The following PLCE1 variants were observed in gnomAD, a reference collection of about 807,000 sequenced individuals.
The protein encoded by PLCE1 is phospholipase C epsilon 1.
PLCE1 carries 119 observed loss-of-function variants against 242.8 expected under a neutral mutation model. The observed-to-expected ratio is 0.49, with a 90% confidence interval of 0.42 to 0.57. The LOEUF is 0.57. Ranked by LOEUF, PLCE1 falls within the 20% of genes least tolerant of loss-of-function variation. The pLI, the probability that PLCE1 is intolerant of heterozygous loss-of-function variation, is 0.00. For missense variants in PLCE1, 2,441 were observed against 2,788.8 expected (o/e 0.88, Z 2.81); for synonymous variants, 945 against 1,017.4 (o/e 0.93, Z 1.35).
At chr10:93,994,845 G>T (rs2060791053) in intron 1 of PLCE1, among the ~76,000 whole-genome samples, 1 of 152,322 alleles carries the variant, frequency 6.6e-6, no homozygotes, top group Non-Finnish European at 1.5e-5. Flanking sequence ...GAGTTCAGCC[G>T]ACTTAACCAA....
intron 2 of PLCE1, among the ~76,000 whole-genome samples, chr10:94,056,276 A>G (rs1403994034): frequency 6.6e-6 from 1 of 152,212 alleles, no homozygotes; most frequent in African/African-American, 2.4e-5. Context: ...GTTGGATTAG[A>G]TAAGTGCTTT....
At chr10:94,075,470 G>A (rs765234143) in intron 2 of PLCE1, among the ~76,000 whole-genome samples, 2 of 152,228 alleles carry the variant, frequency 1.3e-5, no homozygotes, top group Non-Finnish European at 2.9e-5. Flanking sequence ...TGTAAATGTG[G>A]ATTTAGGGAG....
At chr10:94,029,558 C>G (rs1023831075) in intron 1 of PLCE1, among the ~76,000 whole-genome samples, 1 of 152,062 alleles carries the variant, frequency 6.6e-6, no homozygotes. Context: ...GACACTGCTG[C>G]TCTGTGTGGG....
At chr10:94,202,848 A>G (rs1324903402) in intron 4 of PLCE1, among the ~76,000 whole-genome samples, 1 of 152,186 alleles carries the variant, frequency 6.6e-6, no homozygotes, top group Admixed American at 6.5e-5. Context: ...GTCCTCTGCT[A>G]AAAGTACCAG....
chr10:94,309,692 G>A (rs2053323701), intron 27 of PLCE1, among the ~76,000 whole-genome samples: 2 of 152,284 alleles, frequency 1.3e-5, no homozygotes, highest in South Asian at 4.1e-4. Context: ...ACTAAAGTTT[G>A]AGGACACTTG....
At chr10:94,133,662 G>A (rs1391059754) in intron 3 of PLCE1, among the ~76,000 whole-genome samples, 3 of 152,190 alleles carry the variant, frequency 2.0e-5, no homozygotes, top group African/African-American at 7.2e-5. Context: ...TGTGTACTAT[G>A]TTGGGTGCCA....
intron 3 of PLCE1, among the ~76,000 whole-genome samples, chr10:94,146,419 G>A (rs528874726): frequency 1.5e-4 from 23 of 152,244 alleles, no homozygotes; most frequent in African/African-American, 3.1e-4. Context: ...CTCCCGCCTC[G>A]TGCCAAGGGG....
At chr10:94,092,110 C>T (rs137994844) in intron 2 of PLCE1, among the ~76,000 whole-genome samples, 70 of 152,124 alleles carry the variant, frequency 4.6e-4, no homozygotes, top group Admixed American at 1.3e-3. Flanking sequence ...GTATACCTGA[C>T]GAGAATTTTA....
At chr10:94,102,929 GGTTT>G (rs2045591964) in intron 2 of PLCE1, among the ~76,000 whole-genome samples, 1 of 152,158 alleles carries the variant, frequency 6.6e-6, no homozygotes, top group South Asian at 2.1e-4. Flanking sequence ...AAAATAGTTT[GGTTT>G]GTTTTGAAAT....
At chr10:94,161,095 T>C (rs947931361) in intron 3 of PLCE1, among the ~76,000 whole-genome samples, 8 of 152,252 alleles carry the variant, frequency 5.3e-5, no homozygotes, top group African/African-American at 1.9e-4. Context: ...TGTGGGCTCT[T>C]TTTTGGTTCC....
chr10:94,215,387 T>G (rs2136997345), intron 4 of PLCE1, among the ~76,000 whole-genome samples: 1 of 152,276 alleles, frequency 6.6e-6, no homozygotes, highest in East Asian at 1.9e-4. Context: ...AAACAATGCC[T>G]GCATCCAAGG....
At chr10:94,249,665 A>G (rs554849929) in intron 8 of PLCE1, among the ~76,000 whole-genome samples, 62 of 152,312 alleles carry the variant, frequency 4.1e-4, no homozygotes, top group South Asian at 1.5e-3. Context: ...GTAACAAGAG[A>G]TAACACAGAA....
rs552752024 is a variant in PLCE1 at position 94,313,311 on chromosome 10, G to A, written c.6061G>A (p.Val2021Ile). 66 of 1,614,154 alleles carry A rather than the reference G, an allele frequency of 4.1e-5. No individual in the cohort carries two copies. In the Admixed American group the frequency reaches 4.2e-4, roughly 10 times the overall value. ...LQTHRVTVHG[V>I]PGPEPFTVFT... ...GACTCACAGAGTCACGGTGCATGGG[G>A]TCCCAGGGCCAGAGCCCTTTACCGT... The change falls in exon 28 of 33, where the codon GTC becomes ATC. Residue 2021 changes from valine to isoleucine, a missense_variant. Val to Ile is a conservative substitution (Grantham distance 29). Around this residue, in one of 5 missense-constraint regions of PLCE1, gnomAD observed 1,004 missense variants for 1,322.7 expected, o/e 0.76. Transcript: ENST00000371380.
chr10:94,101,912 A>T (rs538534718), intron 2 of PLCE1, among the ~76,000 whole-genome samples: 1 of 152,282 alleles, frequency 6.6e-6, no homozygotes, highest in East Asian at 1.9e-4. Context: ...TACCCAGGAC[A>T]TGTACCCAGA....
At chr10:94,280,208 T>G (rs1208540108) in intron 20 of PLCE1, 1 of 425,622 alleles carries the variant, frequency 2.3e-6, no homozygotes, top group African/African-American at 2.0e-5. Context: ...ACCCTTTAGT[T>G]TCTAGCGTGG....
In PLCE1 at chr10:94,258,422, G is replaced by A. The variant is rs58098327; in HGVS notation, c.3555-378G>A. On this transcript the variant is annotated intron_variant, in intron 11 of 32. Coordinates refer to ENST00000371380, the MANE Select transcript of PLCE1 (RefSeq NM_016341.4). ...TATAACTTAGAATATAGAAAAGAAC[G>A]TGCATTATTTCCCATAGATTAAGAG... Among the ~76,000 whole-genome samples the A allele has an allele frequency of 6.3e-4, 96 of 152,264 alleles. No individual in the cohort carries two copies. The East Asian group carries it at 0.012, about 20-fold the overall frequency.
At chr10:94,144,028 C>T (rs1387168836) in intron 3 of PLCE1, among the ~76,000 whole-genome samples, 1 of 152,142 alleles carries the variant, frequency 6.6e-6, no homozygotes, top group African/African-American at 2.4e-5. Flanking sequence ...ATCTAAAATC[C>T]ATTTCAAATA....
At chr10:94,254,030 A>G (rs189189269) in intron 9 of PLCE1, among the ~76,000 whole-genome samples, 160 bp from the exon 10 acceptor site, 132 of 152,342 alleles carry the variant, frequency 8.7e-4, no homozygotes, top group Non-Finnish European at 1.7e-3. Context: ...ATAATATGAC[A>G]TGAGAATACT....
chr10:94,190,061 C>T (rs2797985), intron 4 of PLCE1, among the ~76,000 whole-genome samples: 123,303 of 152,138 alleles, frequency 0.81, 50,238 homozygotes, highest in East Asian at 0.87. Flanking sequence ...AATGGGTGGA[C>T]TGCTTGAGCT....
Sources: allele counts gnomAD v4.1 joint callset (sites outside exome capture counted in the v4.1 genomes callset), GRCh38; gene constraint gnomAD v4.1.1; regional missense constraint gnomAD v4.1.1; transcripts MANE v1.5; gene names NCBI Gene and HGNC (gene_info 2026-07-23, HGNC 2026-07-21).